IMMP2L: variants seen among roughly 807,000 people sequenced by gnomAD.
IMMP2L encodes inner mitochondrial membrane peptidase subunit 2, also known as mitochondrial inner membrane protease subunit 2.
In IMMP2L, 18 loss-of-function variants were observed where a neutral mutation model predicts 19.3. The ratio of observed to expected loss-of-function variants is 0.93; its 90% confidence interval spans 0.64 to 1.38. The LOEUF (loss-of-function observed/expected upper bound fraction) is 1.38, where lower values mean the gene tolerates loss of function less well. Among genes scored for constraint, IMMP2L ranks in the 40% most tolerant of loss-of-function variants. IMMP2L has a pLI of 0.00. For missense variants in IMMP2L, 233 were observed against 218.2 expected (o/e 1.07, Z -0.43); for synonymous variants, 76 against 73.0 (o/e 1.04, Z -0.21).
In IMMP2L at chr7:111,344,642, T is replaced by C. The variant is rs765809142; in HGVS notation, c.239+142596A>G. Among the ~76,000 whole-genome samples the C allele has an allele frequency of 5.9e-5, 9 of 152,312 alleles. No individual in the cohort carries two copies. In the South Asian group the frequency reaches 8.3e-4, roughly 14 times the overall value. On this transcript the variant is annotated intron_variant, in intron 3 of 5. Coordinates refer to ENST00000405709, the MANE Select transcript of IMMP2L (RefSeq NM_032549.4). ...TATTTTGATGTGAACACAAGGTTCTTATTTTCTCTAAATTTCACCTTCAAC... is the reference window on the plus strand; with the variant it reads ...TATTTTGATGTGAACACAAGGTTCTCATTTTCTCTAAATTTCACCTTCAAC...
intron 5 of IMMP2L, among the ~76,000 whole-genome samples, chr7:110,784,150 T>A (rs1207833119): frequency 6.6e-6 from 1 of 151,936 alleles, no homozygotes; most frequent in East Asian, 1.9e-4. Flanking sequence ...TCCTCATCAT[T>A]GGTATAATTC....
chr7:111,199,138 G>T (rs914733880), intron 3 of IMMP2L, among the ~76,000 whole-genome samples: 1 of 151,940 alleles, frequency 6.6e-6, no homozygotes, highest in African/African-American at 2.4e-5. Context: ...TCAAGAAAGG[G>T]ATTGAAATAA....
chr7:111,186,454 C>CT (rs758137323), intron 3 of IMMP2L, among the ~76,000 whole-genome samples: 2 of 151,686 alleles, frequency 1.3e-5, no homozygotes, highest in African/African-American at 2.4e-5. Flanking sequence ...GAGTTTCACT[C>CT]TTGTTGCCCA....
intron 1 of IMMP2L, among the ~76,000 whole-genome samples, chr7:111,539,203 AAAGAAAGAAAGAAAG>A (rs1445997014): frequency 3.0e-3 from 23 of 7,742 alleles, no homozygotes; most frequent in Non-Finnish European, 7.9e-4. Flanking sequence ...AGGGAGAAAG[AAAGAAAGAAAGAAAG>A]AAAGAAAGAA....
intron 3 of IMMP2L, among the ~76,000 whole-genome samples, chr7:111,132,493 G>C (rs561440741): frequency 3.2e-4 from 49 of 152,070 alleles, no homozygotes; most frequent in African/African-American, 1.2e-3. Context: ...TTTCATCCTT[G>C]TGAGTACTGA....
intron 3 of IMMP2L, among the ~76,000 whole-genome samples, chr7:111,108,516 AG>A (rs1798806649): frequency 6.6e-6 from 1 of 152,178 alleles, no homozygotes; most frequent in African/African-American, 2.4e-5. Context: ...CAAGTAAAAA[AG>A]ATATACGAAC....
At chr7:110,954,151 C>T (rs1025529895) in intron 4 of IMMP2L, among the ~76,000 whole-genome samples, 3 of 152,056 alleles carry the variant, frequency 2.0e-5, no homozygotes, top group Admixed American at 6.6e-5. Context: ...ATTTTCCCTA[C>T]TAAGCACACA....
chr7:111,561,438 A>T (rs1792034367), intron 1 of IMMP2L, among the ~76,000 whole-genome samples: 1 of 152,116 alleles, frequency 6.6e-6, no homozygotes, highest in African/African-American at 2.4e-5. Context: ...AAATGTAAAC[A>T]TCCCTAGGGG....
chr7:110,860,352 T>C (rs989447225), intron 5 of IMMP2L, among the ~76,000 whole-genome samples: 1 of 152,146 alleles, frequency 6.6e-6, no homozygotes, highest in African/African-American at 2.4e-5. Flanking sequence ...TATTGAGAGA[T>C]ATCTCTGTAT....
intron 4 of IMMP2L, among the ~76,000 whole-genome samples, chr7:110,930,913 A>G (rs10242939): frequency 0.21 from 31,625 of 152,182 alleles, 5,837 homozygotes; most frequent in African/African-American, 0.49. Context: ...TACCCAGCAA[A>G]GTGCTATCCA....
intron 3 of IMMP2L, among the ~76,000 whole-genome samples, chr7:111,336,708 T>C (rs1826450368): frequency 6.6e-6 from 1 of 152,094 alleles, no homozygotes; most frequent in Non-Finnish European, 1.5e-5. Context: ...AAGTTCTCTC[T>C]TCAATTATCT....
At position 111,545,334 on chromosome 7, in the gene IMMP2L, C is replaced by G. The variant is rs146201259; in HGVS notation, c.-3+16517G>C. Among the ~76,000 whole-genome samples, 408 of 152,150 alleles carry G rather than the reference C, an allele frequency of 2.7e-3. 6 individuals carry two copies. Among genetic ancestry groups the G allele is most frequent in the African/African-American group, 9.3e-3 (385 of 41,500 alleles). Reference sequence around the variant, plus strand: ...ATTGGCCATTTGTATATTTTCTTTGCAGAAATGTCAATTCAAACCATTTGC... The same window carrying G: ...ATTGGCCATTTGTATATTTTCTTTGGAGAAATGTCAATTCAAACCATTTGC... On this transcript the variant is annotated intron_variant, in intron 1 of 5. Coordinates refer to ENST00000405709, the MANE Select transcript of IMMP2L (RefSeq NM_032549.4).
intron 3 of IMMP2L, among the ~76,000 whole-genome samples, chr7:111,002,961 T>G (rs2129561587): frequency 6.6e-6 from 1 of 152,296 alleles, no homozygotes; most frequent in South Asian, 2.1e-4. Flanking sequence ...GGGACCATGG[T>G]AATGCTGCCA....
chr7:111,152,126 T>C (rs1361742872), intron 3 of IMMP2L, among the ~76,000 whole-genome samples: 2 of 152,048 alleles, frequency 1.3e-5, no homozygotes, highest in Non-Finnish European at 2.9e-5. Flanking sequence ...AGAAAATCGG[T>C]GAGGTTATTG....
chr7:111,324,336 G>A (rs1481636871), intron 3 of IMMP2L, among the ~76,000 whole-genome samples: 1 of 151,904 alleles, frequency 6.6e-6, no homozygotes, highest in Non-Finnish European at 1.5e-5. Flanking sequence ...GAAATCTATT[G>A]TATATGCAAA....
intron 4 of IMMP2L, among the ~76,000 whole-genome samples, chr7:110,946,718 CTTTTTTTTTT>C (rs754971058): frequency 1.8e-5 from 2 of 114,178 alleles, no homozygotes; most frequent in African/African-American, 7.0e-5. Context: ...CATTTAATAC[CTTTTTTTTTT>C]TTTTTTTTTT....
At chr7:111,470,825 T>C (rs992335385) in intron 3 of IMMP2L, among the ~76,000 whole-genome samples, 5 of 150,982 alleles carry the variant, frequency 3.3e-5, no homozygotes, top group African/African-American at 1.2e-4. Flanking sequence ...TGTATACATA[T>C]GTAACTAACC....
chr7:110,737,509 G>A (rs765715139), intron 5 of IMMP2L, among the ~76,000 whole-genome samples: 10 of 152,216 alleles, frequency 6.6e-5, no homozygotes, highest in East Asian at 1.9e-4. Context: ...CACAGCAGTC[G>A]CAGCAAGCCC....
chr7:111,136,647 C>T (rs1022695812), intron 3 of IMMP2L, among the ~76,000 whole-genome samples: 1 of 152,140 alleles, frequency 6.6e-6, no homozygotes, highest in Non-Finnish European at 1.5e-5. Context: ...GTGCTAATCT[C>T]TAATCTCTGG....
Sources: allele counts gnomAD v4.1 joint callset (sites outside exome capture counted in the v4.1 genomes callset), GRCh38; gene constraint gnomAD v4.1.1; transcripts MANE v1.5; gene names NCBI Gene and HGNC (gene_info 2026-07-23, HGNC 2026-07-21).